Variants in PRKACB observed in about 807,000 individuals in gnomAD.
PRKACB encodes the protein cAMP-dependent protein kinase catalytic subunit beta.
In PRKACB, 16 loss-of-function variants were observed where a neutral mutation model predicts 51.4. The ratio of observed to expected loss-of-function variants is 0.31; its 90% CI spans 0.21 to 0.47. PRKACB has a LOEUF of 0.47. Ranked by LOEUF, PRKACB falls within the 20% of genes least tolerant of loss-of-function variation. The pLI is 1.00. For missense variants in PRKACB, 309 were observed against 464.5 expected (o/e 0.67, Z 3.08); for synonymous variants, 147 against 154.4 (o/e 0.95, Z 0.35).
intron 5 of PRKACB, among the ~76,000 whole-genome samples, chr1:84,186,276 C>T (rs933362946): frequency 2.1e-4 from 32 of 151,764 alleles, no homozygotes; most frequent in African/African-American, 6.3e-4. Flanking sequence ...TGGAGTACAG[C>T]GGCACCATTT....
upstream of PRKACB, among the ~76,000 whole-genome samples, chr1:84,142,657 TC>T (rs1164792050): frequency 6.6e-6 from 1 of 152,228 alleles, no homozygotes; most frequent in Non-Finnish European, 1.5e-5. Flanking sequence ...AATTCATTGG[TC>T]AGTGTTTTGT....
At chr1:84,113,393 G>A (rs1650388365) in intron 1 of PRKACB, among the ~76,000 whole-genome samples, 1 of 152,148 alleles carries the variant, frequency 6.6e-6, no homozygotes, top group Non-Finnish European at 1.5e-5. Context: ...GGATGCAAAG[G>A]CATGGGAGCC....
chr1:84,207,492 A>G (rs1256954629), intron 8 of PRKACB, among the ~76,000 whole-genome samples: 1 of 152,190 alleles, frequency 6.6e-6, no homozygotes, highest in Non-Finnish European at 1.5e-5. Context: ...TGCCTGTTGA[A>G]AAATTGTCTA....
intron 1 of PRKACB, among the ~76,000 whole-genome samples, chr1:84,178,478 A>G (rs41300516): frequency 0.016 from 2,388 of 152,122 alleles, 62 homozygotes; most frequent in African/African-American, 0.054. Flanking sequence ...TTATACCCAC[A>G]TTATTAATCA....
intron 1 of PRKACB, among the ~76,000 whole-genome samples, chr1:84,163,886 C>T (rs1457307913): frequency 6.6e-6 from 1 of 151,898 alleles, no homozygotes; most frequent in Admixed American, 6.6e-5. Context: ...TTCTTTGTAC[C>T]ATTTTGGTAC....
At chr1:84,173,285 T>A (rs1420167996) in intron 1 of PRKACB, 2 of 1,492,848 alleles carry the variant, frequency 1.3e-6, no homozygotes, top group South Asian at 2.4e-5. Context: ...GTAGGTATGT[T>A]ATTTTATGTG....
chr1:84,102,376 G>C (rs902265466), intron 1 of PRKACB, among the ~76,000 whole-genome samples: 6 of 152,134 alleles, frequency 3.9e-5, no homozygotes, highest in African/African-American at 1.2e-4. Context: ...GACAGAGCGA[G>C]ACTCCATCTC....
At chr1:84,155,828 T>G (rs1655427766) in intron 1 of PRKACB, among the ~76,000 whole-genome samples, 1 of 152,138 alleles carries the variant, frequency 6.6e-6, no homozygotes, top group Non-Finnish European at 1.5e-5. Context: ...AAATATTCAG[T>G]TTAATCACCG....
chr1:84,188,494 A>G (rs1420169542), intron 5 of PRKACB, among the ~76,000 whole-genome samples: 1 of 151,928 alleles, frequency 6.6e-6, no homozygotes, highest in African/African-American at 2.4e-5. Context: ...AGCCATGGGT[A>G]AAAATCTGAT....
At chr1:84,150,512 A>G (rs576207799) in intron 1 of PRKACB, among the ~76,000 whole-genome samples, 3 of 152,204 alleles carry the variant, frequency 2.0e-5, no homozygotes, top group African/African-American at 7.2e-5. Context: ...CGTTTGGGTC[A>G]TGGGGGAGGA....
chr1:84,080,378 C>A (rs1012026339), intron 1 of PRKACB, among the ~76,000 whole-genome samples: 1 of 152,010 alleles, frequency 6.6e-6, no homozygotes, highest in Non-Finnish European at 1.5e-5. Flanking sequence ...TGGATAAATT[C>A]TTTTCTATGT....
At chr1:84,200,154 T>C (rs1572376646) in intron 7 of PRKACB, among the ~76,000 whole-genome samples, 1 of 152,166 alleles carries the variant, frequency 6.6e-6, no homozygotes, top group South Asian at 2.1e-4. Flanking sequence ...TCCATTTTTT[T>C]ACTTTTTAGT....
chr1:84,214,738 G>C (rs190096035), intron 9 of PRKACB, among the ~76,000 whole-genome samples: 48 of 152,002 alleles, frequency 3.2e-4, no homozygotes, highest in Middle Eastern at 3.4e-3. Flanking sequence ...CAAGTGATCT[G>C]CCCACCTCGG....
chr1:84,203,121 A>G (rs796509749), intron 8 of PRKACB, among the ~76,000 whole-genome samples: 61 of 152,124 alleles, frequency 4.0e-4, no homozygotes, highest in African/African-American at 1.3e-3. Context: ...TCATGTGTCT[A>G]TCTTCATGGA....
chr1:84,130,018 G>A (rs1375017139), intron 1 of PRKACB, among the ~76,000 whole-genome samples: 1 of 151,918 alleles, frequency 6.6e-6, no homozygotes, highest in Non-Finnish European at 1.5e-5. Flanking sequence ...GGCTAACAGG[G>A]TGAAACCCCA....
At chr1:84,178,153 A>G (rs1661987012) in intron 1 of PRKACB, among the ~76,000 whole-genome samples, 1 of 152,078 alleles carries the variant, frequency 6.6e-6, no homozygotes. Flanking sequence ...ACATTTATAA[A>G]GGAGGAAAAA....
intron 1 of PRKACB, among the ~76,000 whole-genome samples, chr1:84,116,147 T>A (rs1327329686): frequency 6.6e-6 from 1 of 152,206 alleles, no homozygotes; most frequent in East Asian, 1.9e-4. Flanking sequence ...TTGTCAAAGA[T>A]CAATTGGCTG....
chr1:84,092,378 A>G (rs939620186), intron 1 of PRKACB, among the ~76,000 whole-genome samples: 1 of 152,148 alleles, frequency 6.6e-6, no homozygotes, highest in Non-Finnish European at 1.5e-5. Flanking sequence ...GATATATATC[A>G]TTGTATAAGT....
intron 9 of PRKACB, among the ~76,000 whole-genome samples, chr1:84,214,898 T>C (rs1451031637): frequency 1.3e-5 from 2 of 152,230 alleles, no homozygotes; most frequent in Admixed American, 1.3e-4. Flanking sequence ...TTCACAAAAC[T>C]GTGGAAATTA....
Sources: allele counts gnomAD v4.1 joint callset (sites outside exome capture counted in the v4.1 genomes callset), GRCh38; gene constraint gnomAD v4.1.1; transcripts MANE v1.5; gene names NCBI Gene and HGNC (gene_info 2026-07-23, HGNC 2026-07-21).